FTO: variants seen among roughly 807,000 people sequenced by gnomAD.
FTO encodes alpha-ketoglutarate-dependent dioxygenase FTO.
Under a neutral mutation model 63.9 loss-of-function variants are expected in FTO, and 47 were observed. The ratio of observed to expected loss-of-function variants is 0.74; its 90% confidence interval spans 0.58 to 0.94. The LOEUF is 0.94. Among genes scored for constraint, FTO ranks in the 40% least tolerant of loss-of-function variants. The pLI is 0.00. For missense variants in FTO, 562 were observed against 618.1 expected, an observed-to-expected ratio of 0.91 and a Z score of 0.96; for synonymous variants, 207 against 224.4, an observed-to-expected ratio of 0.92 and a Z score of 0.69.
intron 8 of FTO, among the ~76,000 whole-genome samples, chr16:54,069,332 G>A (rs2085807102): frequency 6.6e-6 from 1 of 152,138 alleles, no homozygotes; most frequent in Non-Finnish European, 1.5e-5. Context: ...AGATGGCAGG[G>A]TATTTAAAAG....
intron 1 of FTO, among the ~76,000 whole-genome samples, chr16:53,728,012 T>TG (rs1254531390): frequency 6.6e-6 from 1 of 151,460 alleles, no homozygotes; most frequent in African/African-American, 2.4e-5. Flanking sequence ...GGGGCTGAGG[T>TG]GGGAGGATTT....
intron 7 of FTO, among the ~76,000 whole-genome samples, chr16:53,932,040 A>G (rs2082298487): frequency 6.6e-6 from 1 of 152,190 alleles, no homozygotes; most frequent in Non-Finnish European, 1.5e-5. Flanking sequence ...GCTGTCTTTC[A>G]GTAACCTCTG....
At chr16:53,826,573 A>G (rs2079012319) in intron 3 of FTO, 82 bp downstream of exon 3, 1 of 1,259,216 alleles carries the variant, frequency 7.9e-7, no homozygotes, top group South Asian at 1.2e-5. Flanking sequence ...ACACACGCAT[A>G]TACATGAACA....
At chr16:54,093,270 T>G (rs542106667) in intron 8 of FTO, among the ~76,000 whole-genome samples, 42 of 152,224 alleles carry the variant, frequency 2.8e-4, no homozygotes, top group African/African-American at 1.0e-3. Flanking sequence ...AATAGCAAGT[T>G]CTCCAAGTCT....
At chr16:53,912,398 G>A (rs538798914) in intron 7 of FTO, among the ~76,000 whole-genome samples, 5 of 152,188 alleles carry the variant, frequency 3.3e-5, no homozygotes, top group African/African-American at 7.2e-5. Flanking sequence ...ACTGACATGC[G>A]TCAGTGAAAA....
chr16:53,777,939 C>T (rs1462045034), intron 1 of FTO, among the ~76,000 whole-genome samples: 1 of 152,134 alleles, frequency 6.6e-6, no homozygotes, highest in Non-Finnish European at 1.5e-5. Flanking sequence ...CAGCCCAGAA[C>T]TCAAATCACA....
intron 4 of FTO, among the ~76,000 whole-genome samples, chr16:53,847,186 C>T (rs1399900799): frequency 2.0e-5 from 3 of 152,162 alleles, no homozygotes. Context: ...CGTGGCTGCA[C>T]AGCTAGTAAG....
intron 3 of FTO, among the ~76,000 whole-genome samples, chr16:53,842,837 C>A (rs2079514773): frequency 6.6e-6 from 1 of 152,060 alleles, no homozygotes; most frequent in Admixed American, 6.6e-5. Flanking sequence ...CCATGCCCCA[C>A]TCATTTCTTT....
At chr16:54,011,026 G>A (rs767454160) in intron 8 of FTO, among the ~76,000 whole-genome samples, 3 of 152,128 alleles carry the variant, frequency 2.0e-5, no homozygotes, top group Non-Finnish European at 4.4e-5. Context: ...AGGCTGGATG[G>A]TTACATTAGA....
chr16:53,766,515 C>T (rs1405954797), intron 1 of FTO, among the ~76,000 whole-genome samples: 1 of 152,076 alleles, frequency 6.6e-6, no homozygotes, highest in Non-Finnish European at 1.5e-5. Flanking sequence ...GAGCCTCTGC[C>T]CTGGCCTGAG....
intron 7 of FTO, among the ~76,000 whole-genome samples, chr16:53,917,740 G>GTC (rs1306078343): frequency 6.8e-6 from 1 of 147,966 alleles, no homozygotes; most frequent in Non-Finnish European, 1.5e-5. Context: ...GTGTGTGTGT[G>GTC]TGTCCATCTG....
chr16:53,805,879 C>G (rs1258664162), intron 1 of FTO, among the ~76,000 whole-genome samples: 1 of 152,220 alleles, frequency 6.6e-6, no homozygotes, highest in Non-Finnish European at 1.5e-5. Context: ...TTCACGCTCT[C>G]TCTGGCTCTC....
intron 7 of FTO, among the ~76,000 whole-genome samples, chr16:53,913,353 C>A: frequency 6.6e-6 from 1 of 152,174 alleles, no homozygotes; most frequent in Non-Finnish European, 1.5e-5. Context: ...GTCCTTGTCT[C>A]TGATGAGGCT....
intron 1 of FTO, among the ~76,000 whole-genome samples, chr16:53,722,193 A>C (rs1400442522): frequency 1.3e-5 from 2 of 152,126 alleles, no homozygotes; most frequent in Non-Finnish European, 2.9e-5. Context: ...TGTATGGTAC[A>C]TTTACTGGTG....
At chr16:54,104,118 G>A (rs1200522964) in intron 8 of FTO, among the ~76,000 whole-genome samples, 1 of 152,142 alleles carries the variant, frequency 6.6e-6, no homozygotes, top group Non-Finnish European at 1.5e-5. Flanking sequence ...ACACATTAGA[G>A]TGAAATGAAC....
At chr16:53,956,226 C>T (rs1047542288) in intron 8 of FTO, among the ~76,000 whole-genome samples, 24 of 152,202 alleles carry the variant, frequency 1.6e-4, no homozygotes, top group Middle Eastern at 6.8e-3. Flanking sequence ...AAAAATATGA[C>T]GGGCTTTGAG....
chr16:54,058,621 G>A (rs2085497616), intron 8 of FTO, among the ~76,000 whole-genome samples: 1 of 152,212 alleles, frequency 6.6e-6, no homozygotes, highest in African/African-American at 2.4e-5. Context: ...GCAGGCCACA[G>A]TGGCAAAGCA....
chr16:53,819,814 A>C (rs1192296638), intron 2 of FTO, among the ~76,000 whole-genome samples: 1 of 152,144 alleles, frequency 6.6e-6, no homozygotes, highest in Non-Finnish European at 1.5e-5. Flanking sequence ...TCATCACAGT[A>C]GTTTTAGAAC....
chr16:54,005,640 C>T (rs1449163950), intron 8 of FTO, among the ~76,000 whole-genome samples: 1 of 152,112 alleles, frequency 6.6e-6, no homozygotes, highest in East Asian at 1.9e-4. Flanking sequence ...ACCCAACTAG[C>T]TCTCATTCAT....
Sources: allele counts gnomAD v4.1 joint callset (sites outside exome capture counted in the v4.1 genomes callset), GRCh38; gene constraint gnomAD v4.1.1; transcripts MANE v1.5; gene names NCBI Gene and HGNC (gene_info 2026-07-23, HGNC 2026-07-21).